PCOLCE2: variants seen among roughly 807,000 people sequenced by gnomAD.
The protein encoded by PCOLCE2 is procollagen C-endopeptidase enhancer 2.
PCOLCE2 carries 42 observed loss-of-function variants against 47.0 expected under a neutral mutation model. The observed-to-expected ratio is 0.89, with a 90% confidence interval of 0.70 to 1.16. The LOEUF is 1.16. Ranked by LOEUF, PCOLCE2 falls within the 50% of genes most tolerant of loss-of-function variation. PCOLCE2 has a pLI of 0.00. For missense variants in PCOLCE2, 500 were observed against 526.1 expected (o/e 0.95, Z 0.49); for synonymous variants, 169 against 191.7 (o/e 0.88, Z 0.98).
intron 2 of PCOLCE2, among the ~76,000 whole-genome samples, chr3:142,857,960 C>T (rs1933099115): frequency 6.6e-6 from 1 of 152,222 alleles, no homozygotes; most frequent in Non-Finnish European, 1.5e-5. Context: ...CACCTGGCCC[C>T]TTTCCTTTCC....
chr3:142,843,112 T>C, intron 3 of PCOLCE2, 64 bp from the exon 4 acceptor site: 1 of 1,512,430 alleles, frequency 6.6e-7, no homozygotes, highest in South Asian at 1.2e-5. Context: ...TACAACCATG[T>C]GGAGATTAGG....
chr3:142,839,262 G>A (rs1033286344), intron 4 of PCOLCE2, among the ~76,000 whole-genome samples: 2 of 151,926 alleles, frequency 1.3e-5, no homozygotes, highest in Admixed American at 6.6e-5. Context: ...TGTACAGCAT[G>A]GTAACTATAG....
chr3:142,844,137 C>G (rs1414064138), intron 3 of PCOLCE2, among the ~76,000 whole-genome samples: 1 of 152,114 alleles, frequency 6.6e-6, no homozygotes, highest in Non-Finnish European at 1.5e-5. Flanking sequence ...CTTAGCTGTA[C>G]AAATCTGAAA....
intron 2 of PCOLCE2, among the ~76,000 whole-genome samples, chr3:142,885,096 G>A (rs1302204205): frequency 1.3e-5 from 2 of 152,206 alleles, no homozygotes; most frequent in East Asian, 3.9e-4. Context: ...GCATCAGAAA[G>A]TCCAACACGA....
In PCOLCE2 at chr3:142,848,491, A is replaced by G. The variant is rs758461643; in HGVS notation, c.193-19T>C. Reference sequence around the variant, plus strand: ...CGGGAACCTGCCAAGAAAAGCGCCAATTAGAAAACTGTCATGAAAACAATA... The same window carrying G: ...CGGGAACCTGCCAAGAAAAGCGCCAGTTAGAAAACTGTCATGAAAACAATA... On this transcript the variant is annotated intron_variant, in intron 2 of 8. Coordinates refer to ENST00000295992, the MANE Select transcript of PCOLCE2 (RefSeq NM_013363.4). 8 of 1,582,576 alleles carry G rather than the reference A, an allele frequency of 5.1e-6. No homozygotes were observed. The highest frequency in any genetic ancestry group is 4.1e-5 in the African/African-American group (3 of 73,944).
At position 142,887,697 on chromosome 3, in the gene PCOLCE2, G is replaced by A. The variant is rs1222087380; in HGVS notation, c.164C>T (p.Pro55Leu). 1 of 1,594,640 alleles carries A rather than the reference G, an allele frequency of 6.3e-7. No individual in the cohort carries two copies. ...GSEGFPGVYP[P>L]NSKCTWKITV... is the part of the protein sequence containing the mutation. The stretch of plus-strand genomic sequence containing the variant: ...GATTTTCCAAGTACATTTGCTATTT[G>A]GAGGGTACACTCCAGGAAAACCTTC... The change falls in exon 2 of 9, where the codon CCA becomes CTA. Residue 55 changes from proline to leucine, a missense_variant. Pro to Leu is a moderately conservative substitution (Grantham distance 98, BLOSUM62 -3). Transcript: ENST00000295992.
intron 3 of PCOLCE2, among the ~76,000 whole-genome samples, chr3:142,844,498 A>G (rs1339548956): frequency 6.6e-6 from 1 of 152,220 alleles, no homozygotes; most frequent in Non-Finnish European, 1.5e-5. Context: ...CTTTTCTCCA[A>G]GTGGTTTTAC....
At chr3:142,867,419 T>A (rs1451521128) in intron 2 of PCOLCE2, among the ~76,000 whole-genome samples, 4 of 152,216 alleles carry the variant, frequency 2.6e-5, no homozygotes, top group Non-Finnish European at 5.9e-5. Flanking sequence ...AGTGTTTTAA[T>A]TTCTGCTCAT....
intron 5 of PCOLCE2, among the ~76,000 whole-genome samples, chr3:142,835,119 T>C (rs1255656843): frequency 1.3e-5 from 2 of 152,184 alleles, no homozygotes; most frequent in Non-Finnish European, 2.9e-5. Flanking sequence ...TTCTACCTCC[T>C]AATTTCCCAT....
At chr3:142,873,424 A>G (rs79294555) in intron 2 of PCOLCE2, among the ~76,000 whole-genome samples, 2 of 151,638 alleles carry the variant, frequency 1.3e-5, no homozygotes, top group Admixed American at 1.3e-4. Context: ...AAAATTTTTT[A>G]AAGTTAACTA....
chr3:142,887,819 T>A (rs767693511), intron 1 of PCOLCE2, 42 bp from the exon 2 acceptor site: 1 of 1,087,882 alleles, frequency 9.2e-7, no homozygotes, highest in Non-Finnish European at 1.4e-6. Context: ...ATTTGAAACA[T>A]GGTCTAACAA....
intron 2 of PCOLCE2, among the ~76,000 whole-genome samples, chr3:142,879,160 A>G (rs1398748547): frequency 6.6e-6 from 1 of 152,154 alleles, no homozygotes; most frequent in Non-Finnish European, 1.5e-5. Context: ...CTTTAAAAAA[A>G]GTGTTATCTT....
Position 142,873,223 on chromosome 3 carries a change from G to A in PCOLCE2, c.192+14446C>T, listed in dbSNP as rs750243472. On this transcript the variant is annotated intron_variant, in intron 2 of 8. Coordinates refer to ENST00000295992, the MANE Select transcript of PCOLCE2 (RefSeq NM_013363.4). ...AGCTCGGCCAACATGGTGAAACCCC[G>A]TCTCTACTAAAAATAAAAAATTAGC... Among the ~76,000 whole-genome samples the A allele has an allele frequency of 3.1e-4, 47 of 151,788 alleles. 1 individual carries two copies. The highest frequency in any genetic ancestry group is 3.4e-3 in the Middle Eastern group (1 of 294).
intron 6 of PCOLCE2, among the ~76,000 whole-genome samples, chr3:142,825,838 T>C (rs1937070627): frequency 6.6e-6 from 1 of 152,176 alleles, no homozygotes; most frequent in African/African-American, 2.4e-5. Flanking sequence ...AAATCTGTTT[T>C]TCCTGTGCCT....
chr3:142,862,922 T>G (rs936504458), intron 2 of PCOLCE2, among the ~76,000 whole-genome samples: 1 of 152,000 alleles, frequency 6.6e-6, no homozygotes, highest in African/African-American at 2.4e-5. Flanking sequence ...AAAAATATTC[T>G]TGTGCTTAAG....
intron 2 of PCOLCE2, among the ~76,000 whole-genome samples, chr3:142,848,826 C>A (rs999310496): frequency 6.6e-6 from 1 of 152,096 alleles, no homozygotes; most frequent in Non-Finnish European, 1.5e-5. Flanking sequence ...ATTCTAATAC[C>A]TAGAGATATT....
At position 142,827,087 on chromosome 3, in the gene PCOLCE2, C is replaced by T. The variant is rs1937088316; in HGVS notation, c.865+2605G>A. 1.4e-5 allele frequency: 18 copies of T among 1,324,914 alleles called. No individual in the cohort carries two copies. The South Asian group carries it at 1.4e-4, about 10-fold the overall frequency. 82.1% of individuals were successfully genotyped at this position (1,324,914 alleles called of 1,614,324 possible). A position where few individuals can be genotyped will look rare whatever the true frequency, so the allele number is the denominator to read the frequency against. ...GGCATAAAGACAAACTTTATTGAGCCCCTTAGCACTAGTTCTCTTTCTCCT... is the reference window on the plus strand; with the variant it reads ...GGCATAAAGACAAACTTTATTGAGCTCCTTAGCACTAGTTCTCTTTCTCCT... On this transcript the variant is annotated intron_variant, in intron 6 of 8. Coordinates refer to ENST00000295992, the MANE Select transcript of PCOLCE2 (RefSeq NM_013363.4).
intron 4 of PCOLCE2, among the ~76,000 whole-genome samples, chr3:142,839,171 C>A (rs1239045227): frequency 6.6e-6 from 1 of 152,142 alleles, no homozygotes; most frequent in African/African-American, 2.4e-5. Flanking sequence ...GAACTCTGTT[C>A]ACTTACAGCT....
rs570774794 is a variant in PCOLCE2, at chr3:142,826,124, C to T, written c.866-2509G>A. ...GGTCCACGCCATTCTCCTGCCTCAGCCTCCCGAGTAGCTGGGACTACAGGT... is the reference window on the plus strand; with the variant it reads ...GGTCCACGCCATTCTCCTGCCTCAGTCTCCCGAGTAGCTGGGACTACAGGT... On this transcript the variant is annotated intron_variant, in intron 6 of 8. Coordinates refer to ENST00000295992, the MANE Select transcript of PCOLCE2 (RefSeq NM_013363.4). 7.2e-5 allele frequency among the ~76,000 whole-genome samples: 11 copies of T among 152,174 alleles called. No individual in the cohort carries two copies. In the South Asian group the frequency reaches 2.3e-3, roughly 32 times the overall value.
Sources: allele counts gnomAD v4.1 joint callset (sites outside exome capture counted in the v4.1 genomes callset), GRCh38; gene constraint gnomAD v4.1.1; transcripts MANE v1.5; gene names NCBI Gene and HGNC (gene_info 2026-07-23, HGNC 2026-07-21).